Variants in TENM4 observed in about 807,000 individuals in gnomAD.
TENM4 encodes teneurin transmembrane protein 4, also known as teneurin-4.
Under a neutral mutation model 243.3 loss-of-function variants are expected in TENM4, and 82 were observed. The observed-to-expected ratio is 0.34, with a 90% CI of 0.28 to 0.40. TENM4 has a LOEUF of 0.40. TENM4 is among the 10% of genes least tolerant of loss of function. TENM4 has a pLI of 1.00. For missense variants in TENM4, 3,138 were observed against 3,673.3 expected (o/e 0.85, Z 3.77); for synonymous variants, 1,412 against 1,456.3 (o/e 0.97, Z 0.69).
chr11:79,265,621 C>A (rs767818668), intron 2 of TENM4, among the ~76,000 whole-genome samples: 6 of 152,050 alleles, frequency 3.9e-5, no homozygotes, highest in Non-Finnish European at 7.4e-5. Flanking sequence ...CGGCTCTGAG[C>A]CATTTTGCTT....
rs1486156754 is a variant in TENM4 at position 79,277,192 on chromosome 11, C to T, written c.-265+20296G>A. Among the ~76,000 whole-genome samples the T allele has an allele frequency of 4.6e-5, 7 of 152,146 alleles. No homozygotes were observed. The East Asian group carries it at 1.3e-3, about 29-fold the overall frequency. ...GTGATTTATGGAGCTCCTTTTCAGA[C>T]ACGAGATTTATGATTCTGCAAACAG... On this transcript the variant is annotated intron_variant, in intron 2 of 33. Coordinates refer to ENST00000278550, the MANE Select transcript of TENM4 (RefSeq NM_001098816.3).
intron 14 of TENM4, among the ~76,000 whole-genome samples, chr11:78,805,914 T>G (rs991082987): frequency 1.3e-5 from 2 of 152,238 alleles, no homozygotes; most frequent in Non-Finnish European, 2.9e-5. Context: ...TTCCTTCATT[T>G]AAATGATAAT....
At chr11:79,066,509 G>A (rs1422363044) in intron 5 of TENM4, among the ~76,000 whole-genome samples, 2 of 152,206 alleles carry the variant, frequency 1.3e-5, no homozygotes, top group Non-Finnish European at 2.9e-5. Context: ...CACACCTGCT[G>A]CAGAGTAGGT....
rs189891828 is a variant in TENM4, at chr11:79,291,135, T to C, written c.-265+6353A>G. 3.8e-3 allele frequency among the ~76,000 whole-genome samples: 579 copies of C among 152,164 alleles called. 2 individuals carry two copies. The highest frequency in any genetic ancestry group is 0.013 in the African/African-American group (556 of 41,518). On this transcript the variant is annotated intron_variant, in intron 2 of 33. Coordinates refer to ENST00000278550, the MANE Select transcript of TENM4 (RefSeq NM_001098816.3). ...TGGGGGCAGATGGGCAGTAAACAAA[T>C]AGCCAAACCCCACATAGCCATGTGG...
intron 1 of TENM4, among the ~76,000 whole-genome samples, chr11:79,386,025 A>T (rs563720028): frequency 1.9e-4 from 29 of 152,362 alleles, no homozygotes; most frequent in Non-Finnish European, 4.3e-4. Context: ...AATTCTTTCT[A>T]TTATAGAATA....
chr11:79,229,405 T>C (rs1864334324), intron 2 of TENM4, among the ~76,000 whole-genome samples: 1 of 152,264 alleles, frequency 6.6e-6, no homozygotes, highest in African/African-American at 2.4e-5. Context: ...TTTCCAAACA[T>C]GCCCATATCC....
In TENM4 at chr11:78,712,493, G is replaced by C; in HGVS notation, c.4043C>G (p.Thr1348Ser). The C allele has an allele frequency of 6.2e-7, 1 of 1,613,876 alleles. No individual in the cohort carries two copies. Among genetic ancestry groups the C allele is most frequent in the South Asian group, 1.1e-5 (1 of 91,076 alleles). The change falls in exon 26 of 34, where the codon ACC becomes AGC. Residue 1348 changes from threonine to serine, a missense_variant. This residue lies in a region of TENM4 where 2,467 missense variants were observed against 3,059.1 expected (regional missense o/e 0.81). Transcript: ENST00000278550. ...DGGKATEATLTNPRGITVDKF... is the reference protein window; with the variant it reads ...DGGKATEATLSNPRGITVDKF... ...AGGCAAGGCCTTACCCCTGGGATTG[G>C]TGAGTGTGGCTTCTGTGGCCTTCCC...
At chr11:78,686,327 C>A (rs61883896) in intron 29 of TENM4, among the ~76,000 whole-genome samples, 1 of 152,192 alleles carries the variant, frequency 6.6e-6, no homozygotes, top group Non-Finnish European at 1.5e-5. Context: ...CCCCACGCCC[C>A]TTACCCTATA....
In TENM4 at chr11:78,661,286, C is replaced by T. The variant is rs1460214948; in HGVS notation, c.7551+163G>A. Among the ~76,000 whole-genome samples the T allele has an allele frequency of 2.0e-5, 3 of 152,300 alleles. No individual in the cohort carries two copies. In the East Asian group the frequency reaches 5.8e-4, roughly 29 times the overall value. On this transcript the variant is annotated intron_variant, in intron 33 of 33. Transcript: ENST00000278550. Reference sequence around the variant, plus strand: ...TCATGGCTGCGTCCCTAGCAGCTTCCTAGTGGTGGGTTACTAAGTAGTTGT... The same window carrying T: ...TCATGGCTGCGTCCCTAGCAGCTTCTTAGTGGTGGGTTACTAAGTAGTTGT...
At chr11:79,047,308 C>T (rs1434234283) in intron 6 of TENM4, among the ~76,000 whole-genome samples, 1 of 152,138 alleles carries the variant, frequency 6.6e-6, no homozygotes, top group Non-Finnish European at 1.5e-5. Flanking sequence ...AAGGTTTCAC[C>T]CCAGCTTTTG....
chr11:79,055,222 A>C (rs1484846132), intron 6 of TENM4, among the ~76,000 whole-genome samples: 1 of 150,622 alleles, frequency 6.6e-6, no homozygotes, highest in Non-Finnish European at 1.5e-5. Flanking sequence ...TCTCTATTCT[A>C]TCTATTATAT....
At chr11:78,664,484 C>G (rs1290352447) in intron 32 of TENM4, among the ~76,000 whole-genome samples, 1 of 152,124 alleles carries the variant, frequency 6.6e-6, no homozygotes, top group African/African-American at 2.4e-5. Context: ...CTTGGCCTTC[C>G]AAAGTACTGG....
intron 6 of TENM4, among the ~76,000 whole-genome samples, chr11:79,015,416 G>A (rs138846920): frequency 9.5e-4 from 145 of 152,088 alleles, no homozygotes; most frequent in Non-Finnish European, 1.4e-3. Context: ...ATTTCATACT[G>A]TGGATCACTA....
intron 6 of TENM4, among the ~76,000 whole-genome samples, chr11:78,943,018 C>G (rs890277509): frequency 6.6e-6 from 1 of 152,198 alleles, no homozygotes; most frequent in African/African-American, 2.4e-5. Context: ...CCTCAAGAGT[C>G]GGTGCATGGT....
intron 9 of TENM4, among the ~76,000 whole-genome samples, chr11:78,872,474 G>T (rs938348705): frequency 2.0e-5 from 3 of 152,144 alleles, no homozygotes; most frequent in Admixed American, 2.0e-4. Context: ...TGCCAGGTCT[G>T]GGATGGTGCC....
chr11:79,131,530 C>CT (rs1862003178), intron 4 of TENM4, among the ~76,000 whole-genome samples: 2 of 152,194 alleles, frequency 1.3e-5, no homozygotes. Flanking sequence ...CTAAAGGGAG[C>CT]TCTAAATCTT....
Position 78,656,762 on chromosome 11 carries a change from G to A in TENM4, c.*1296C>T, listed in dbSNP as rs765395917. 4.8e-5 allele frequency: 17 copies of A among 353,064 alleles called. No homozygotes were observed. Among genetic ancestry groups the A allele is most frequent in the African/African-American group, 6.3e-5 (3 of 47,772 alleles). The allele number at this position is 353,064 out of a possible 1,614,324, so 21.9% of individuals were successfully genotyped here. A position where few individuals can be genotyped will look rare whatever the true frequency, so the allele number is the denominator to read the frequency against. On this transcript the variant is annotated 3_prime_UTR_variant, in exon 34 of 34. Coordinates refer to ENST00000278550, the MANE Select transcript of TENM4 (RefSeq NM_001098816.3). The stretch of plus-strand genomic sequence containing the variant: ...CTGTCACTAAAAAACACATTGGGTG[G>A]GCTTCTCTAGAGGGGAAGCTGTTTC...
chr11:78,786,267 C>T (rs560608403), intron 16 of TENM4, among the ~76,000 whole-genome samples: 3 of 152,320 alleles, frequency 2.0e-5, no homozygotes, highest in East Asian at 3.9e-4. Context: ...AAGCTGAGGA[C>T]GGGGGAAGAT....
At chr11:78,658,900 G>A (rs565690145) in intron 33 of TENM4, 84 bp from the exon 34 acceptor site, 1 of 1,449,734 alleles carries the variant, frequency 6.9e-7, no homozygotes, top group East Asian at 2.3e-5. Flanking sequence ...AAATAATGAA[G>A]TCAAAACCAC....
Sources: allele counts gnomAD v4.1 joint callset (sites outside exome capture counted in the v4.1 genomes callset), GRCh38; gene constraint gnomAD v4.1.1; regional missense constraint gnomAD v4.1.1; transcripts MANE v1.5; gene names NCBI Gene and HGNC (gene_info 2026-07-23, HGNC 2026-07-21).